Variants in CFAP47 observed in about 807,000 individuals in gnomAD.
The protein encoded by CFAP47 is cilia- and flagella-associated protein 47.
Under a neutral mutation model 148.1 loss-of-function variants are expected in CFAP47, and 29 were observed. The ratio of observed to expected loss-of-function variants is 0.20; its 90% CI spans 0.15 to 0.27. The LOEUF is 0.27. CFAP47 is among the 10% of genes least tolerant of loss of function. The probability of loss-of-function intolerance (pLI) is 1.00; values close to 1 mark genes in which losing one functional copy is unlikely to be tolerated. For missense variants in CFAP47, 1,872 were observed against 1,697.5 expected (o/e 1.10, Z -1.81); for synonymous variants, 664 against 577.3 (o/e 1.15, Z -2.15).
intron 15 of CFAP47, among the ~76,000 whole-genome samples, chrX:35,981,697 C>A (rs775394100): frequency 9.0e-6 from 1 of 110,927 alleles, no homozygotes; most frequent in African/African-American, 3.3e-5. Flanking sequence ...TCAAGTAGTA[C>A]GCAAAGTCTG....
Position 35,967,712 on chromosome X carries a change from C to T in CFAP47, c.1694C>T (p.Ser565Leu), listed in dbSNP as rs139917087. The T allele has an allele frequency of 1.6e-3, 1,887 of 1,206,505 alleles. 9 individuals carry two copies. The highest frequency in any genetic ancestry group is 8.0e-3 in the South Asian group (454 of 56,722). The change falls in exon 10 of 64, where the codon TCA (serine) becomes TTA (leucine). Residue 565 changes from serine (S) to leucine (L), a missense_variant. Coordinates refer to ENST00000378653, the MANE Select transcript of CFAP47 (RefSeq NM_001304548.2). The stretch of plus-strand genomic sequence containing the variant: ...TATGCACCTGTAGCAATGCTTCAAT[C>T]AGCCATGACACGCACTCACAATCAT... ...KNYAPVAMLQ[S>L]AMTRTHNHRS... is the part of the protein sequence containing the mutation.
chrX:36,205,291 TA>T (rs782055475), intron 45 of CFAP47, among the ~76,000 whole-genome samples, 181 bp downstream of exon 45: 1 of 112,346 alleles, frequency 8.9e-6, no homozygotes, highest in African/African-American at 3.2e-5. Flanking sequence ...ATAATCAACA[TA>T]TTACATCACA....
At chrX:36,099,218 G>T (rs1036239937) in intron 31 of CFAP47, among the ~76,000 whole-genome samples, 3 of 111,512 alleles carry the variant, frequency 2.7e-5, no homozygotes, top group African/African-American at 9.8e-5. Context: ...ACCACCATGT[G>T]CCACTTTTCT....
chrX:36,277,072 T>C (rs188006513), intron 49 of CFAP47, among the ~76,000 whole-genome samples: 1 of 112,017 alleles, frequency 8.9e-6, no homozygotes, highest in Non-Finnish European at 1.9e-5. Context: ...GTGGCTTCTT[T>C]GCATACAATT....
At chrX:36,202,334 G>T (rs1048101179) in intron 44 of CFAP47, among the ~76,000 whole-genome samples, 1 of 111,288 alleles carries the variant, frequency 9.0e-6, no homozygotes, top group Non-Finnish European at 1.9e-5. Context: ...TCCAGCTAAC[G>T]TTTGTTAAAA....
chrX:36,150,011 G>T (rs1427382718), intron 37 of CFAP47, among the ~76,000 whole-genome samples: 1 of 110,538 alleles, frequency 9.0e-6, no homozygotes, highest in Non-Finnish European at 1.9e-5. Context: ...AAAATAAAAG[G>T]TTCATAATCC....
chrX:36,055,088 C>G (rs900445553), intron 26 of CFAP47, among the ~76,000 whole-genome samples: 9 of 107,062 alleles, frequency 8.4e-5, no homozygotes, highest in Non-Finnish European at 1.7e-4. Context: ...CCGGCCAGCT[C>G]TTAGTATTTT....
chrX:35,999,938 G>A (rs1271664991), intron 19 of CFAP47, among the ~76,000 whole-genome samples: 3 of 111,494 alleles, frequency 2.7e-5, no homozygotes, highest in East Asian at 2.8e-4. Flanking sequence ...AACAAGAAGC[G>A]ATATGATCAA....
At chrX:36,192,432 A>T (rs1939876656) in intron 42 of CFAP47, among the ~76,000 whole-genome samples, 1 of 111,522 alleles carries the variant, frequency 9.0e-6, no homozygotes, top group Non-Finnish European at 1.9e-5. Context: ...ACACACAATG[A>T]TGTATTGATA....
At chrX:36,379,034 A>C (rs1048052365) in intron 62 of CFAP47, among the ~76,000 whole-genome samples, 2 of 109,844 alleles carry the variant, frequency 1.8e-5, no homozygotes, top group Non-Finnish European at 3.8e-5. Flanking sequence ...CTGGTCTCCA[A>C]CTCCTGACCT....
At chrX:35,953,179 C>T (rs752786816) in intron 6 of CFAP47, among the ~76,000 whole-genome samples, 1 of 112,232 alleles carries the variant, frequency 8.9e-6, no homozygotes, top group South Asian at 3.7e-4. Context: ...GCACTTAGTA[C>T]ATTGGGGAAG....
chrX:36,336,961 G>T (rs1297513614), intron 57 of CFAP47, among the ~76,000 whole-genome samples: 3 of 111,775 alleles, frequency 2.7e-5, no homozygotes, highest in Middle Eastern at 4.2e-3. Flanking sequence ...GCTAAGCATG[G>T]TTTCACATTT....
intron 46 of CFAP47, among the ~76,000 whole-genome samples, chrX:36,234,862 G>C (rs960429201): frequency 4.0e-4 from 45 of 111,950 alleles, no homozygotes; most frequent in Non-Finnish European, 7.0e-4. Context: ...AGGTCTGTTG[G>C]AGTTTGCTAG....
At chrX:36,288,916 T>C (rs1469592945) in intron 51 of CFAP47, among the ~76,000 whole-genome samples, 1 of 109,078 alleles carries the variant, frequency 9.2e-6, no homozygotes, top group African/African-American at 3.4e-5. Context: ...GCCAACCATT[T>C]TTAAAAAGTT....
chrX:36,075,518 G>A (rs112114827), intron 29 of CFAP47, among the ~76,000 whole-genome samples: 1,318 of 111,914 alleles, frequency 0.012, 21 homozygotes, highest in African/African-American at 0.04. Flanking sequence ...GAGCCACTGC[G>A]CCCAGCCTGT....
intron 33 of CFAP47, among the ~76,000 whole-genome samples, chrX:36,129,763 G>T (rs924508381): frequency 2.7e-5 from 3 of 111,114 alleles, no homozygotes; most frequent in African/African-American, 9.8e-5. Context: ...GCCAGTCCAT[G>T]TAGTACATCA....
At chrX:36,213,646 C>A (rs1185954527) in intron 45 of CFAP47, among the ~76,000 whole-genome samples, 6 of 111,770 alleles carry the variant, frequency 5.4e-5, no homozygotes, top group African/African-American at 2.0e-4. Flanking sequence ...TAGGAGATCA[C>A]ATCAAGTCTC....
chrX:36,364,901 C>CACATATAT (rs1491192085), intron 61 of CFAP47, among the ~76,000 whole-genome samples: 1 of 67,357 alleles, frequency 1.5e-5, no homozygotes. Flanking sequence ...ATATTTTGTG[C>CACATATAT]ATATATATAT....
chrX:36,159,265 A>C (rs1356560958), intron 37 of CFAP47, among the ~76,000 whole-genome samples, 161 bp from the exon 38 acceptor site: 1 of 112,198 alleles, frequency 8.9e-6, no homozygotes, highest in Non-Finnish European at 1.9e-5. Context: ...ACGATAGCTT[A>C]ACCGATGACA....
Sources: allele counts gnomAD v4.1 joint callset (sites outside exome capture counted in the v4.1 genomes callset), GRCh38; gene constraint gnomAD v4.1.1; transcripts MANE v1.5; gene names NCBI Gene and HGNC (gene_info 2026-07-23, HGNC 2026-07-21).